The following PARD3B variants were observed in gnomAD, a reference collection of about 807,000 sequenced individuals.
The protein encoded by PARD3B is partitioning defective 3 homolog B.
In PARD3B, 103 loss-of-function variants were observed where a neutral mutation model predicts 130.2. The observed-to-expected ratio is 0.79, with a 90% CI of 0.67 to 0.93. PARD3B has a LOEUF of 0.93. Ranked by LOEUF, PARD3B falls within the 40% of genes least tolerant of loss-of-function variation. The pLI, the probability that PARD3B is intolerant of heterozygous loss-of-function variation, is 0.00. For missense variants in PARD3B, 1,609 were observed against 1,499.2 expected (o/e 1.07, Z -1.21); for synonymous variants, 583 against 553.2 (o/e 1.05, Z -0.76).
intron 15 of PARD3B, among the ~76,000 whole-genome samples, chr2:205,224,312 A>G (rs1286793863): frequency 1.5e-5 from 2 of 131,112 alleles, no homozygotes; most frequent in African/African-American, 2.9e-5. Context: ...TGGAGCTTGC[A>G]GTGAGCGGAG....
chr2:204,852,014 G>A (rs1358235473), intron 2 of PARD3B, among the ~76,000 whole-genome samples: 1 of 152,082 alleles, frequency 6.6e-6, no homozygotes, highest in South Asian at 2.1e-4. Flanking sequence ...TTCAATAGGT[G>A]GTTTTGATTG....
rs113273471 is a variant in PARD3B at position 205,281,325 on chromosome 2, G to C, written c.2186-19205G>C. Among the ~76,000 whole-genome samples, 227 of 152,274 alleles carry C rather than the reference G, an allele frequency of 1.5e-3. 2 individuals are homozygous for C. The highest frequency in any genetic ancestry group is 5.2e-3 in the African/African-American group (217 of 41,554). ...TTGAAAATTAGAAACAGAATACCAG[G>C]TAATCATAGAGCAAGGTGGAGCCAG... is the stretch of plus-strand genomic sequence containing the variant. On this transcript the variant is annotated intron_variant, in intron 16 of 22. Transcript: ENST00000406610. This position sits in a 1 kb window ranked among gnomAD's most constrained non-coding sequence, Gnocchi z 4.2.
chr2:204,678,849 C>G lies in PARD3B; in HGVS notation c.121-7332C>G, dbSNP rs1409496599. On this transcript the variant is annotated intron_variant, in intron 1 of 22. Transcript: ENST00000406610. The surrounding 1 kb of genome is among the most constrained non-coding windows in gnomAD (Gnocchi z 4.2). The stretch of plus-strand genomic sequence containing the variant: ...GGTGGGTTCTTTGCCAGGGAGCTGC[C>G]CTCTTCTATCCAGTATTTCCCTGCC... Among the ~76,000 whole-genome samples the G allele has an allele frequency of 6.6e-6, 1 of 152,026 alleles. No individual in the cohort carries two copies. Among genetic ancestry groups the G allele is most frequent in the Non-Finnish European group, 1.5e-5 (1 of 67,994 alleles).
At chr2:204,732,584 A>G (rs978939018) in intron 2 of PARD3B, among the ~76,000 whole-genome samples, 1 of 150,062 alleles carries the variant, frequency 6.7e-6, no homozygotes, top group Non-Finnish European at 1.5e-5. Flanking sequence ...AGCTCACTGC[A>G]AGCTCTGCCT....
chr2:205,551,124 A>T (rs1575334689), intron 21 of PARD3B, among the ~76,000 whole-genome samples: 1 of 151,516 alleles, frequency 6.6e-6, no homozygotes, highest in Admixed American at 6.6e-5. Flanking sequence ...GAAACTATTA[A>T]CTTGGAATTT....
intron 21 of PARD3B, among the ~76,000 whole-genome samples, chr2:205,545,721 C>T (rs1160624856): frequency 2.0e-5 from 3 of 152,132 alleles, no homozygotes; most frequent in Non-Finnish European, 4.4e-5. Flanking sequence ...CCTATAGAAA[C>T]TGGAAAACAT....
chr2:205,528,540 G>A (rs372494115), intron 21 of PARD3B, among the ~76,000 whole-genome samples: 27 of 151,180 alleles, frequency 1.8e-4, no homozygotes, highest in African/African-American at 6.6e-4. Flanking sequence ...TTGCCAGGCT[G>A]GAGTGCAGTG....
At chr2:204,765,305 A>G (rs2041096706) in intron 2 of PARD3B, among the ~76,000 whole-genome samples, 1 of 152,154 alleles carries the variant, frequency 6.6e-6, no homozygotes, top group African/African-American at 2.4e-5. Context: ...TGGAGGCCAC[A>G]GTCTGAGTTT....
chr2:204,847,828 T>C lies in PARD3B; in HGVS notation c.223-117324T>C, dbSNP rs186242544. Among the ~76,000 whole-genome samples, 406 of 152,302 alleles carry C rather than the reference T, an allele frequency of 2.7e-3. 5 individuals are homozygous for C. The highest frequency in any genetic ancestry group is 9.3e-3 in the African/African-American group (388 of 41,576). ...AAGTGAAAAGGTGAAAGTTCTCAAC[T>C]TAATAAGGAAAGGAAAACATCGTAT... On this transcript the variant is annotated intron_variant, in intron 2 of 22. Transcript: ENST00000406610.
intron 19 of PARD3B, among the ~76,000 whole-genome samples, chr2:205,401,399 G>A (rs1217519608): frequency 2.0e-5 from 3 of 151,934 alleles, no homozygotes; most frequent in African/African-American, 4.8e-5. Flanking sequence ...TTTTCTCCAT[G>A]TCTTTTTTTT....
chr2:205,094,327 C>G (rs1415821587), intron 4 of PARD3B, among the ~76,000 whole-genome samples: 1 of 152,056 alleles, frequency 6.6e-6, no homozygotes, highest in Non-Finnish European at 1.5e-5. Flanking sequence ...ATGGCAAAGT[C>G]AGGAAGGTTT....
At chr2:205,201,151 A>G (rs1458823242) in intron 15 of PARD3B, among the ~76,000 whole-genome samples, 1 of 152,202 alleles carries the variant, frequency 6.6e-6, no homozygotes, top group Admixed American at 6.6e-5. Context: ...AGTTGAAAGA[A>G]TAAAGATATT....
intron 18 of PARD3B, among the ~76,000 whole-genome samples, chr2:205,307,698 G>A (rs1203268564): frequency 1.3e-5 from 2 of 152,110 alleles, no homozygotes; most frequent in Non-Finnish European, 1.5e-5. Context: ...TGTCTAAAGT[G>A]GAAAACCCAG....
chr2:205,027,333 T>C (rs2125350582), intron 3 of PARD3B, among the ~76,000 whole-genome samples: 1 of 152,304 alleles, frequency 6.6e-6, no homozygotes, highest in East Asian at 1.9e-4. Flanking sequence ...CACCTTTTTA[T>C]ATATCTGTTG....
rs1182735141 is a variant in PARD3B, at chr2:205,301,213, T to C, written c.2393-251T>C. Among the ~76,000 whole-genome samples, 2 of 152,208 alleles carry C rather than the reference T, an allele frequency of 1.3e-5. No individual in the cohort carries two copies. The highest frequency in any genetic ancestry group is 2.9e-5 in the Non-Finnish European group (2 of 68,044). ...ACAAGGCAGCTTTCAGAGAGATTAGTGCTTGAACACATATCAAGCCTTTCA... is the reference window on the plus strand; with the variant it reads ...ACAAGGCAGCTTTCAGAGAGATTAGCGCTTGAACACATATCAAGCCTTTCA... On this transcript the variant is annotated intron_variant, in intron 17 of 22. Coordinates refer to ENST00000406610, the MANE Select transcript of PARD3B (RefSeq NM_001302769.2). The surrounding 1 kb of genome is among the most constrained non-coding windows in gnomAD (Gnocchi z 5.2).
intron 4 of PARD3B, among the ~76,000 whole-genome samples, chr2:205,075,158 G>A (rs903312192): frequency 6.6e-6 from 1 of 152,088 alleles, no homozygotes; most frequent in Non-Finnish European, 1.5e-5. Context: ...ATGGAGGATT[G>A]TACATAATGT....
At chr2:205,259,406 T>C (rs2040215757) in intron 16 of PARD3B, among the ~76,000 whole-genome samples, 1 of 152,208 alleles carries the variant, frequency 6.6e-6, no homozygotes, top group Non-Finnish European at 1.5e-5. Context: ...TATTGTCTTA[T>C]GGCTTCTGCT....
intron 21 of PARD3B, among the ~76,000 whole-genome samples, chr2:205,509,442 C>T (rs2050506757): frequency 6.6e-6 from 1 of 152,100 alleles, no homozygotes; most frequent in Non-Finnish European, 1.5e-5. Context: ...GATTCCCTGA[C>T]CATTAATTCC....
At chr2:204,948,130 T>C (rs1057420810) in intron 2 of PARD3B, among the ~76,000 whole-genome samples, 1 of 152,166 alleles carries the variant, frequency 6.6e-6, no homozygotes, top group African/African-American at 2.4e-5. Context: ...GTTTAAAGGC[T>C]TTTCATAGGG....
Sources: gnomAD v4.1 joint callset for allele counts (sites outside exome capture counted in the v4.1 genomes callset) on GRCh38, gnomAD v4.1.1 for gene constraint, Gnocchi (gnomAD v3.1) non-coding constraint, MANE v1.5 for transcripts, NCBI Gene and HGNC (gene_info 2026-07-23, HGNC 2026-07-21) for gene names.